The following DOCK9 variants were observed in gnomAD, a reference collection of about 807,000 sequenced individuals.
The protein encoded by DOCK9 is dedicator of cytokinesis 9.
Under a neutral mutation model 263.3 loss-of-function variants are expected in DOCK9, and 89 were observed. The ratio of observed to expected loss-of-function variants is 0.34; its 90% CI spans 0.28 to 0.40. The LOEUF (loss-of-function observed/expected upper bound fraction) is 0.40, where lower values mean the gene tolerates loss of function less well. DOCK9 is among the 10% of genes least tolerant of loss of function. The pLI, the probability that DOCK9 is intolerant of heterozygous loss-of-function variation, is 1.00. For synonymous variants in DOCK9, 976 were observed against 973.1 expected (o/e 1.00, Z -0.06); for missense variants, 2,140 against 2,603.4 (o/e 0.82, Z 3.87).
At chr13:99,076,836 G>T (rs1300228578) in intron 1 of DOCK9, among the ~76,000 whole-genome samples, 2 of 152,144 alleles carry the variant, frequency 1.3e-5, no homozygotes, top group African/African-American at 4.8e-5. Context: ...GAGGGAAAAA[G>T]ACATTAAGCA....
chr13:98,913,374 C>T (rs2050371234), intron 9 of DOCK9, among the ~76,000 whole-genome samples: 1 of 152,024 alleles, frequency 6.6e-6, no homozygotes, highest in Non-Finnish European at 1.5e-5. Flanking sequence ...CATTCAGATA[C>T]ACACAAGGAC....
chr13:98,987,063 T>C (rs1878634205), intron 1 of DOCK9, among the ~76,000 whole-genome samples: 1 of 151,930 alleles, frequency 6.6e-6, no homozygotes, highest in African/African-American at 2.4e-5. Flanking sequence ...ATCACCATCT[T>C]CACCACCACC....
chr13:98,914,710 G>A (rs1023912177), intron 8 of DOCK9, among the ~76,000 whole-genome samples: 6 of 152,124 alleles, frequency 3.9e-5, no homozygotes, highest in Non-Finnish European at 7.4e-5. Context: ...CTCCACCCCA[G>A]ACCAACTAAA....
rs1447157838 is a variant in DOCK9, at chr13:98,887,140, TA to T, written c.2044-517del. 5.5e-3 allele frequency among the ~76,000 whole-genome samples: 265 copies of T among 48,504 alleles called. 2 individuals are homozygous for T. Among genetic ancestry groups the T allele is most frequent in the Admixed American group, 0.05 (185 of 3,680 alleles). The allele number at this position is 48,504 out of a possible 152,430, so 31.8% of individuals were successfully genotyped here. On this transcript the variant is annotated intron_variant, in intron 18 of 52. Coordinates refer to ENST00000682017, the MANE Select transcript of DOCK9 (RefSeq NM_001366683.2). Reference sequence around the variant, plus strand: ...ATACTATATTTTATATATATATATATATATTTTTTTTTTTTTTTTTTTTTTT... The same window carrying T: ...ATACTATATTTTATATATATATATATTATTTTTTTTTTTTTTTTTTTTTTT...
intron 38 of DOCK9, among the ~76,000 whole-genome samples, chr13:98,842,631 T>A (rs1279963820): frequency 1.3e-5 from 2 of 152,250 alleles, no homozygotes; most frequent in Non-Finnish European, 1.5e-5. Flanking sequence ...CACCTCATAA[T>A]GTGGTTTATA....
rs1301061455 is a variant in DOCK9 at position 98,837,512 on chromosome 13, T to C, written c.4296A>G (p.Leu1432=). ...VCLTALDTLS[L]FTLAFKNQLL... is the part of the protein sequence containing the mutation. ...TACAAACCTTAAACGCCAATGTAAA[T>C]AGAGAAAGCGTGTCCAGAGCTGTCA... Residue 1432 remains leucine (L), a synonymous_variant, in exon 39 of 53, where the codon CTA becomes CTG. Coordinates refer to ENST00000682017, the MANE Select transcript of DOCK9 (RefSeq NM_001366683.2). 9 of 1,611,884 alleles carry C rather than the reference T, an allele frequency of 5.6e-6. No homozygotes were observed. The highest frequency in any genetic ancestry group is 1.7e-5 in the Admixed American group (1 of 59,932).
At position 99,069,817 on chromosome 13, in the gene DOCK9, T is replaced by G. The variant is rs78856487; in HGVS notation, c.129+16406A>C. ...TTAAAAGTTTTCAAGAAACTCCAAC[T>G]TCAAAATGATATCTTAAAATGTTTT... On this transcript the variant is annotated intron_variant, in intron 1 of 32. Coordinates refer to the DOCK9 transcript ENST00000427887. 4.9e-3 allele frequency among the ~76,000 whole-genome samples: 748 copies of G among 152,364 alleles called. 4 individuals carry two copies. Among genetic ancestry groups the G allele is most frequent in the African/African-American group, 0.017 (723 of 41,592 alleles).
rs374126103 is a variant in DOCK9, at chr13:98,841,853, G to C, written c.4198+4071C>G. On this transcript the variant is annotated intron_variant, in intron 38 of 52. Transcript: ENST00000682017. ...AGACGGGGTTTCACCATGTTGTCCA[G>C]GCTGGTTTCGAACTCCTGACTTCAA... Among the ~76,000 whole-genome samples, 217 of 151,796 alleles carry C rather than the reference G, an allele frequency of 1.4e-3. 7 individuals are homozygous for C. The South Asian group carries it at 0.042, about 30-fold the overall frequency.
intron 2 of DOCK9, among the ~76,000 whole-genome samples, chr13:98,952,638 C>T (rs2057576339): frequency 6.6e-6 from 1 of 152,190 alleles, no homozygotes; most frequent in Non-Finnish European, 1.5e-5. Context: ...ACATGCAACC[C>T]GCAAATCTTT....
chr13:99,002,849 T>C (rs1182113734), intron 1 of DOCK9, among the ~76,000 whole-genome samples: 2 of 152,224 alleles, frequency 1.3e-5, no homozygotes, highest in African/African-American at 4.8e-5. Context: ...ACTTGCTGTG[T>C]GATTTTAAAC....
intron 1 of DOCK9, chr13:99,025,105 A>G (rs547420894): frequency 6.6e-6 from 1 of 152,366 alleles, no homozygotes; most frequent in South Asian, 2.1e-4. Flanking sequence ...TACTTCAATC[A>G]AACATTCCTT....
chr13:98,814,604 T>C (rs915228715), intron 45 of DOCK9, among the ~76,000 whole-genome samples: 16 of 151,918 alleles, frequency 1.1e-4, no homozygotes, highest in Middle Eastern at 3.2e-3. Flanking sequence ...CAAGGTTTCA[T>C]CATGTTGGCC....
chr13:98,955,389 A>G (rs1470736414), intron 2 of DOCK9, 46 bp downstream of exon 2: 2 of 1,289,990 alleles, frequency 1.6e-6, no homozygotes, highest in African/African-American at 1.5e-5. Context: ...ACTGCTTGTT[A>G]AGATCAAACA....
chr13:98,883,807 A>G lies in DOCK9; in HGVS notation c.2469+6T>C. 3 of 1,591,714 alleles carry G rather than the reference A, an allele frequency of 1.9e-6. No individual in the cohort carries two copies. The highest frequency in any genetic ancestry group is 2.6e-6 in the Non-Finnish European group (3 of 1,171,020). The stretch of plus-strand genomic sequence containing the variant: ...CAACTGCTAATTTTGTTGAAGGAGC[A>G]CATACCTGAGTATACACTGTAGAAA... On this transcript the variant is annotated splice_donor_region_variant and intron_variant, in intron 22 of 52. Transcript: ENST00000682017.
chr13:99,067,159 G>A (rs2041457153), intron 1 of DOCK9, among the ~76,000 whole-genome samples: 1 of 152,146 alleles, frequency 6.6e-6, no homozygotes, highest in African/African-American at 2.4e-5. Flanking sequence ...GGTCCCATCT[G>A]TGTTCCTTTG....
chr13:99,056,414 G>A (rs1382589093), intron 1 of DOCK9, among the ~76,000 whole-genome samples: 1 of 152,010 alleles, frequency 6.6e-6, no homozygotes, highest in Non-Finnish European at 1.5e-5. Flanking sequence ...ATATGCAAAA[G>A]TATTATAAAG....
intron 30 of DOCK9, among the ~76,000 whole-genome samples, chr13:98,865,412 T>C (rs1051040627): frequency 1.3e-5 from 2 of 152,054 alleles, no homozygotes; most frequent in African/African-American, 4.8e-5. Context: ...TATTCCTTTA[T>C]AGCACACGAA....
At position 98,924,336 on chromosome 13, in the gene DOCK9, AC is replaced by A. The variant is rs543151594; in HGVS notation, c.417-966del. Among the ~76,000 whole-genome samples, 8 of 152,386 alleles carry A rather than the reference AC, an allele frequency of 5.2e-5. No individual in the cohort carries two copies. In the East Asian group the frequency reaches 1.3e-3, roughly 26 times the overall value. ...AAACAAACAGCTAGGTCTACTGAGAACCGCATAAAAGGTTCCAGCTCAAAGA... is the reference window on the plus strand; with the variant it reads ...AAACAAACAGCTAGGTCTACTGAGAACGCATAAAAGGTTCCAGCTCAAAGA... On this transcript the variant is annotated intron_variant, in intron 4 of 52. Coordinates refer to ENST00000682017, the MANE Select transcript of DOCK9 (RefSeq NM_001366683.2).
In DOCK9 at chr13:98,845,210, A is replaced by C. The variant is rs1420594575; in HGVS notation, c.4198+714T>G. 4 of 583,462 alleles carry C rather than the reference A, an allele frequency of 6.9e-6. No homozygotes were observed. In the East Asian group the frequency reaches 2.7e-4, roughly 40 times the overall value. The allele number at this position is 583,462 out of a possible 1,614,324, so 36.1% of individuals were successfully genotyped here. On this transcript the variant is annotated intron_variant, in intron 38 of 52. Coordinates refer to ENST00000682017, the MANE Select transcript of DOCK9 (RefSeq NM_001366683.2). ...TAAAAATATGCTCCCCTGTTCTGGC[A>C]GAATCTCTTTTGTAAAGTTAGAAAG...
Sources: gnomAD v4.1 joint callset for allele counts (sites outside exome capture counted in the v4.1 genomes callset) on GRCh38, gnomAD v4.1.1 for gene constraint, MANE v1.5 for transcripts, NCBI Gene and HGNC (gene_info 2026-07-23, HGNC 2026-07-21) for gene names.